OR10A3: variants seen among roughly 807,000 people sequenced by gnomAD.
The protein encoded by OR10A3 is olfactory receptor family 10 subfamily A member 3, also known as olfactory receptor 10A3.
A neutral mutation model predicts 1.5 loss-of-function variants in OR10A3; 1 was observed. The ratio of observed to expected loss-of-function variants is 0.66; its 90% confidence interval spans 0.23 to 3.11. The LOEUF (loss-of-function observed/expected upper bound fraction) is 3.11, where lower values mean the gene tolerates loss of function less well. Ranked by LOEUF, OR10A3 falls within the 30% of genes most tolerant of loss-of-function variation. OR10A3 has a pLI of 0.21. For missense variants in OR10A3, 398 were observed against 369.7 expected (o/e 1.08, Z -0.63); for synonymous variants, 145 against 143.7 (o/e 1.01, Z -0.06).
intron 1 of OR10A3, among the ~76,000 whole-genome samples, chr11:7,940,867 T>A (rs1941432890): frequency 6.6e-6 from 1 of 152,094 alleles, no homozygotes; most frequent in African/African-American, 2.4e-5. Flanking sequence ...CTGGACTTTG[T>A]GTGATGCTTC....
rs1389538261 is a variant in OR10A3 at position 7,937,364 on chromosome 11, G to C, written c.*1212C>G. 1 of 152,170 alleles carries C rather than the reference G, an allele frequency of 6.6e-6. No individual in the cohort carries two copies. The highest frequency in any genetic ancestry group is 2.4e-5 in the African/African-American group (1 of 41,448). The allele number at this position is 152,170 out of a possible 1,614,324, so 9.4% of individuals were successfully genotyped here. A position where few individuals can be genotyped will look rare whatever the true frequency, so the allele number is the denominator to read the frequency against. On this transcript the variant is annotated 3_prime_UTR_variant, in exon 2 of 2. Transcript: ENST00000642047. ...AGGGAGGTAACCTGGGAAGATAGGT[G>C]ACCGGATATCTTGTAGCTATCTATT... is the stretch of plus-strand genomic sequence containing the variant.
intron 1 of OR10A3, among the ~76,000 whole-genome samples, chr11:7,940,987 G>A (rs1941434395): frequency 6.6e-6 from 1 of 152,036 alleles, no homozygotes; most frequent in Non-Finnish European, 1.5e-5. Context: ...GAGAGGAAAA[G>A]GCAATTGATT....
intron 1 of OR10A3, among the ~76,000 whole-genome samples, chr11:7,940,642 G>A (rs970887952): frequency 6.6e-6 from 1 of 151,620 alleles, no homozygotes; most frequent in Non-Finnish European, 1.5e-5. Flanking sequence ...TCTCAGGCTG[G>A]CATTTAAGGG....
chr11:7,939,656 G>T lies in OR10A3; in HGVS notation c.-136C>A. 1 of 608,420 alleles carries T rather than the reference G, an allele frequency of 1.6e-6. No homozygotes were observed. Among genetic ancestry groups the T allele is most frequent in the Non-Finnish European group, 2.7e-6 (1 of 370,356 alleles). The allele number at this position is 608,420 out of a possible 1,614,324, so 37.7% of individuals were successfully genotyped here. A position where few individuals can be genotyped will look rare whatever the true frequency, so the allele number is the denominator to read the frequency against. On this transcript the variant is annotated 5_prime_UTR_variant, in exon 2 of 2. Transcript: ENST00000642047. ...CAAGCTCATTTTGACAGAACTTCAG[G>T]TTGGCACTTTTGAAGAATGGCCAAT...
rs370993898 is a variant in OR10A3 at position 7,939,150 on chromosome 11, G to C, written c.371C>G (p.Ala124Gly). 2.2e-5 allele frequency: 36 copies of C among 1,614,030 alleles called. No individual in the cohort carries two copies. The highest frequency in any genetic ancestry group is 3.3e-4 in the Middle Eastern group (2 of 6,084). ...LLGAMAYDRF[A>G]AICHPLNYPV... is the part of the protein sequence containing the mutation. ...GTAGTTCAGAGGATGGCAAATTGCAGCAAATCGGTCATAAGCCATCGCTCC... is the reference window on the plus strand; with the variant it reads ...GTAGTTCAGAGGATGGCAAATTGCACCAAATCGGTCATAAGCCATCGCTCC... The change falls in exon 2 of 2, where the codon GCT becomes GGT. Residue 124 changes from alanine to glycine, a missense_variant. By Grantham distance (60) the Ala-to-Gly change is moderately conservative. Transcript: ENST00000642047.
Position 7,938,263 on chromosome 11 carries a change from C to A in OR10A3, c.*313G>T. The A allele has an allele frequency of 4.6e-6, 1 of 219,324 alleles. No homozygotes were observed. The highest frequency in any genetic ancestry group is 8.7e-6 in the Non-Finnish European group (1 of 114,948). 13.6% of individuals were successfully genotyped at this position (219,324 alleles called of 1,614,324 possible). A position where few individuals can be genotyped will look rare whatever the true frequency, so the allele number is the denominator to read the frequency against. ...AGGTTGCAGTGAGCCCAGATCGTGC[C>A]ATTGCACTCCAGCCTGGGCTGGAGC... On this transcript the variant is annotated 3_prime_UTR_variant, in exon 2 of 2. Transcript: ENST00000642047.
intron 1 of OR10A3, among the ~76,000 whole-genome samples, chr11:7,940,347 G>T (rs1941426007): frequency 1.3e-5 from 2 of 152,066 alleles, no homozygotes; most frequent in Non-Finnish European, 2.9e-5. Flanking sequence ...CTCAACCAGA[G>T]CAACAATCCT....
At chr11:7,939,827 G>A in intron 1 of OR10A3, 129 bp from the exon 2 acceptor site, 1 of 293,622 alleles carries the variant, frequency 3.4e-6, no homozygotes, top group Admixed American at 4.6e-5. Flanking sequence ...CTCTCTTAAT[G>A]CCAAGTTCCC....
At position 7,938,764 on chromosome 11, in the gene OR10A3, C is replaced by A; in HGVS notation, c.757G>T (p.Gly253Cys). 6.2e-7 allele frequency: 1 copy of A among 1,614,120 alleles called. No homozygotes were observed. The highest frequency in any genetic ancestry group is 8.5e-7 in the Non-Finnish European group (1 of 1,180,034). The change falls in exon 2 of 2, where the codon GGC becomes TGC. Residue 253 changes from glycine (G) to cysteine (C), a missense_variant. Physicochemically the swap from Gly to Cys is radical, Grantham distance 159 (BLOSUM62 -3). Transcript: ENST00000642047. Reference sequence around the variant, plus strand: ...TGTAAATAAGTCATATTGGCTGTGCCATAGAACAGGGTCACAGATGTGAGG... The same window carrying A: ...TGTAAATAAGTCATATTGGCTGTGCAATAGAACAGGGTCACAGATGTGAGG... ...SHLTSVTLFY[G>C]TANMTYLQPK...
intron 1 of OR10A3, among the ~76,000 whole-genome samples, chr11:7,939,966 T>C (rs1941420801): frequency 6.6e-6 from 1 of 152,200 alleles, no homozygotes; most frequent in Non-Finnish European, 1.5e-5. Context: ...TACGCCTGGA[T>C]TGCGAGCTAG....
In OR10A3 at chr11:7,938,665, T is replaced by C. The variant is rs202225547; in HGVS notation, c.856A>G (p.Asn286Asp). ...LAYTLLTPLL[N>D]PLIYSLRNSE... ...TTTCGTAAGCTATAGATGAGCGGAT[T>C]GAGCAGAGGGGTAAGCAACGTGTAA... Residue 286 changes from asparagine (N) to aspartate (D), a missense_variant, in exon 2 of 2, where the codon AAT becomes GAT. By Grantham distance (23) the Asn-to-Asp change is conservative. Coordinates refer to ENST00000642047, the MANE Select transcript of OR10A3 (RefSeq NM_001003745.2). 3.7e-6 allele frequency: 6 copies of C among 1,614,206 alleles called. No individual in the cohort carries two copies. The African/African-American group carries it at 5.3e-5, about 14-fold the overall frequency.
rs758807826 is a variant in OR10A3 at position 7,939,151 on chromosome 11, C to A, written c.370G>T (p.Ala124Ser). 8.7e-6 allele frequency: 14 copies of A among 1,614,154 alleles called. No homozygotes were observed. In the South Asian group the frequency reaches 1.4e-4, roughly 16 times the overall value. The change falls in exon 2 of 2, where the codon GCT becomes TCT. Residue 124 changes from alanine (A) to serine (S), a missense_variant. By Grantham distance (99) the Ala-to-Ser change is moderately conservative. Transcript: ENST00000642047. ...LLGAMAYDRFAAICHPLNYPV... is the reference protein window; with the variant it reads ...LLGAMAYDRFSAICHPLNYPV... ...TAGTTCAGAGGATGGCAAATTGCAG[C>A]AAATCGGTCATAAGCCATCGCTCCC... is the stretch of plus-strand genomic sequence containing the variant.
Position 7,938,566 on chromosome 11 carries a change from C to T in OR10A3, c.*10G>A. 1 of 1,587,994 alleles carries T rather than the reference C, an allele frequency of 6.3e-7. No individual in the cohort carries two copies. Among genetic ancestry groups the T allele is most frequent in the Middle Eastern group, 1.7e-4 (1 of 5,934 alleles). On this transcript the variant is annotated 3_prime_UTR_variant, in exon 2 of 2. Transcript: ENST00000642047. ...GCAGTGGCCAAATCTTACTCAGCTT[C>T]TCAACACAATCAGAATGTGTGTAAA...
Position 7,940,461 on chromosome 11 carries a change from C to T in OR10A3, c.-178-763G>A, listed in dbSNP as rs897881773. The stretch of plus-strand genomic sequence containing the variant: ...CCCGCTGACACGCTCCACCTCACTG[C>T]CTCTTTTCCTCTCCCTTCACCTCCT... On this transcript the variant is annotated intron_variant, in intron 1 of 1. Transcript: ENST00000642047. Among the ~76,000 whole-genome samples the T allele has an allele frequency of 3.3e-5, 5 of 152,086 alleles. No homozygotes were observed. In the East Asian group the frequency reaches 9.6e-4, roughly 29 times the overall value.
In OR10A3 at chr11:7,939,277, G is replaced by A. The variant is rs780501114; in HGVS notation, c.244C>T (p.Leu82=). The A allele has an allele frequency of 4.4e-5, 71 of 1,614,054 alleles. No individual in the cohort carries two copies. Among genetic ancestry groups the A allele is most frequent in the Non-Finnish European group, 6.0e-5 (71 of 1,180,028 alleles). The stretch of plus-strand genomic sequence containing the variant: ...GTTTTCTCAGTAGAGAGCACCACCA[G>A]CATTTCAGGCGTAATGACTGCACTG... ...SFSAVITPEM[L]VVLSTEKTMI... Residue 82 remains leucine, a synonymous_variant, in exon 2 of 2, where the codon CTG becomes TTG. Transcript: ENST00000642047.
In OR10A3 at chr11:7,937,410, A is replaced by T. The variant is rs1049738596; in HGVS notation, c.*1166T>A. ...CTATTTAGGAACAAAAGGAAAGGCA[A>T]TTTTTTTGCCTGAGCCAGTTTCCAA... On this transcript the variant is annotated 3_prime_UTR_variant, in exon 2 of 2. Coordinates refer to ENST00000642047, the MANE Select transcript of OR10A3 (RefSeq NM_001003745.2). 1 of 152,078 alleles carries T rather than the reference A, an allele frequency of 6.6e-6. No homozygotes were observed. Among genetic ancestry groups the T allele is most frequent in the African/African-American group, 2.4e-5 (1 of 41,388 alleles). 9.4% of individuals were successfully genotyped at this position (152,078 alleles called of 1,614,324 possible). A position where few individuals can be genotyped will look rare whatever the true frequency, so the allele number is the denominator to read the frequency against.
intron 1 of OR10A3, 52 bp from the exon 2 acceptor site, chr11:7,939,750 T>G (rs747287250): frequency 8.9e-6 from 4 of 448,242 alleles, no homozygotes; most frequent in Non-Finnish European, 1.6e-5. Context: ...AATCTTGTTT[T>G]TAAAGTACAA....
rs144654323 is a variant in OR10A3, at chr11:7,939,196, C to T, written c.325G>A (p.Gly109Arg). 96 of 1,614,012 alleles carry T rather than the reference C, an allele frequency of 5.9e-5. No homozygotes were observed. Among genetic ancestry groups the T allele is most frequent in the Non-Finnish European group, 8.0e-5 (94 of 1,180,040 alleles). The change falls in exon 2 of 2, where the codon GGG (glycine) becomes AGG (arginine). Residue 109 changes from glycine (G) to arginine (R), a missense_variant. Coordinates refer to ENST00000642047, the MANE Select transcript of OR10A3 (RefSeq NM_001003745.2). ...GCTCCCAGGAGAAAACATTCAGTCC[C>T]ACCAAAAAGAAGGATGAAATACATC... Reference protein sequence around the residue: ...AQMYFILLFGGTECFLLGAMA... With the variant: ...AQMYFILLFGRTECFLLGAMA...
In OR10A3 at chr11:7,937,223, C is replaced by T. The variant is rs1941367730; in HGVS notation, c.*1353G>A. The T allele has an allele frequency of 6.6e-6, 1 of 152,124 alleles. No individual in the cohort carries two copies. The highest frequency in any genetic ancestry group is 1.5e-5 in the Non-Finnish European group (1 of 68,016). 9.4% of individuals were successfully genotyped at this position (152,124 alleles called of 1,614,324 possible). On this transcript the variant is annotated 3_prime_UTR_variant, in exon 2 of 2. Coordinates refer to ENST00000642047, the MANE Select transcript of OR10A3 (RefSeq NM_001003745.2). ...ACACACAGATATATATATGTATTGC[C>T]TATTCCCAAATAATATACACAAATT...
Sources: gnomAD v4.1 joint callset for allele counts (sites outside exome capture counted in the v4.1 genomes callset) on GRCh38, gnomAD v4.1.1 for gene constraint, MANE v1.5 for transcripts, NCBI Gene and HGNC (gene_info 2026-07-23, HGNC 2026-07-21) for gene names.